ROR2: variants seen among roughly 807,000 people sequenced by gnomAD.
ROR2 encodes the protein ROR family WNT receptor 2.
In ROR2, 33 loss-of-function variants were observed where a neutral mutation model predicts 74.9. That is an observed-to-expected ratio of 0.44 (90% CI 0.33 to 0.59). The LOEUF (loss-of-function observed/expected upper bound fraction) is 0.59. Ranked by LOEUF, ROR2 falls within the 20% of genes least tolerant of loss-of-function variation. The probability of loss-of-function intolerance (pLI) is 0.02; values close to 1 mark genes in which losing one functional copy is unlikely to be tolerated. For synonymous variants in ROR2, 586 were observed against 558.7 expected, an observed-to-expected ratio of 1.05 and a Z score of -0.69; for missense variants, 1,216 against 1,313.8, an observed-to-expected ratio of 0.93 and a Z score of 1.15.
At chr9:91,742,334 A>T (rs1825282045) in intron 4 of ROR2, among the ~76,000 whole-genome samples, 1 of 152,180 alleles carries the variant, frequency 6.6e-6, no homozygotes, top group South Asian at 2.1e-4. Context: ...TCCCTCCTGC[A>T]ACATGTGGGA....
chr9:91,818,877 T>TGA (rs763707339), intron 1 of ROR2, among the ~76,000 whole-genome samples: 4 of 150,962 alleles, frequency 2.6e-5, no homozygotes, highest in Non-Finnish European at 5.9e-5. Flanking sequence ...GCCCTACCCA[T>TGA]GAGCAGCTTG....
chr9:91,944,316 A>C (rs1051427367), intron 1 of ROR2, among the ~76,000 whole-genome samples: 11 of 152,360 alleles, frequency 7.2e-5, no homozygotes, highest in African/African-American at 2.6e-4. Flanking sequence ...TAGGTGGTCC[A>C]TCGTCTGAAA....
chr9:91,901,586 C>T (rs1034860135), intron 1 of ROR2, among the ~76,000 whole-genome samples: 3 of 152,044 alleles, frequency 2.0e-5, no homozygotes, highest in African/African-American at 7.2e-5. Context: ...GAGGCTAAGG[C>T]AGGCGGATCA....
chr9:91,905,442 C>A lies in ROR2; in HGVS notation c.97+44425G>T, dbSNP rs1830790193. Among the ~76,000 whole-genome samples the A allele has an allele frequency of 1.3e-5, 2 of 151,566 alleles. No homozygotes were observed. The highest frequency in any genetic ancestry group is 6.6e-5 in the Admixed American group (1 of 15,192). ...GTCACATCACACAAAGATGACAACA[C>A]AACCCAACACACAACACATACCACA... is the stretch of plus-strand genomic sequence containing the variant. On this transcript the variant is annotated intron_variant, in intron 1 of 8. Coordinates refer to ENST00000375708, the MANE Select transcript of ROR2 (RefSeq NM_004560.4). This position sits in a 1 kb window ranked among gnomAD's most constrained non-coding sequence, Gnocchi z 5.3.
At chr9:91,847,925 A>G (rs1828978226) in intron 1 of ROR2, among the ~76,000 whole-genome samples, 1 of 152,196 alleles carries the variant, frequency 6.6e-6, no homozygotes, top group Non-Finnish European at 1.5e-5. Context: ...ACTCCTGGCT[A>G]GCAGCTCTGC....
chr9:91,921,378 A>C (rs1266342446), intron 1 of ROR2, among the ~76,000 whole-genome samples: 1 of 152,238 alleles, frequency 6.6e-6, no homozygotes, highest in East Asian at 1.9e-4. Context: ...ACGTATACAC[A>C]CACTTACATA....
intron 1 of ROR2, among the ~76,000 whole-genome samples, chr9:91,927,829 G>A (rs1249181475): frequency 6.6e-6 from 1 of 152,088 alleles, no homozygotes; most frequent in Non-Finnish European, 1.5e-5. Context: ...CTCCCAAAGT[G>A]CTAGGATTAC....
At chr9:91,900,212 C>T (rs1280315405) in intron 1 of ROR2, among the ~76,000 whole-genome samples, 1 of 152,130 alleles carries the variant, frequency 6.6e-6, no homozygotes, top group Non-Finnish European at 1.5e-5. Flanking sequence ...CCAGGGCCGC[C>T]AGGGGGTGGG....
intron 1 of ROR2, among the ~76,000 whole-genome samples, chr9:91,793,006 G>A (rs1051913985): frequency 6.6e-6 from 1 of 152,172 alleles, no homozygotes; most frequent in African/African-American, 2.4e-5. Flanking sequence ...AAGAGTTAAG[G>A]TCAATCCTTC....
chr9:91,750,717 C>T (rs1010964519), intron 4 of ROR2, among the ~76,000 whole-genome samples: 9 of 152,150 alleles, frequency 5.9e-5, no homozygotes, highest in African/African-American at 2.2e-4. Context: ...AGGTTTTTCT[C>T]CACTCTGTGC....
intron 1 of ROR2, among the ~76,000 whole-genome samples, chr9:91,867,253 A>G (rs1009179429): frequency 1.3e-5 from 2 of 152,192 alleles, no homozygotes; most frequent in African/African-American, 4.8e-5. Flanking sequence ...TCCCCACTAA[A>G]AGAGCACAGA....
chr9:91,878,338 A>G (rs1355701226), intron 1 of ROR2, among the ~76,000 whole-genome samples: 1 of 152,048 alleles, frequency 6.6e-6, no homozygotes, highest in Non-Finnish European at 1.5e-5. Flanking sequence ...CCACCTGGTG[A>G]GGATGATTCA....
At chr9:91,912,867 G>A (rs750960992) in intron 1 of ROR2, among the ~76,000 whole-genome samples, 4 of 152,136 alleles carry the variant, frequency 2.6e-5, no homozygotes, top group South Asian at 2.1e-4. Flanking sequence ...GTTGGCTCAC[G>A]CCTGTAATCC....
chr9:91,916,772 T>A (rs1429021379), intron 1 of ROR2, among the ~76,000 whole-genome samples: 2 of 152,132 alleles, frequency 1.3e-5, no homozygotes, highest in East Asian at 3.9e-4. Context: ...GCTCTTAGAA[T>A]CTGAAGCCTT....
At chr9:91,877,392 T>G (rs989339529) in intron 1 of ROR2, among the ~76,000 whole-genome samples, 1 of 152,170 alleles carries the variant, frequency 6.6e-6, no homozygotes, top group African/African-American at 2.4e-5. Context: ...CCATAAGTCA[T>G]GTGCCCAATC....
intron 1 of ROR2, among the ~76,000 whole-genome samples, chr9:91,792,453 C>T (rs975771292): frequency 7.9e-5 from 12 of 152,162 alleles, no homozygotes; most frequent in East Asian, 5.8e-4. Context: ...GGACTACAGG[C>T]GCCCGCCACC....
intron 1 of ROR2, among the ~76,000 whole-genome samples, chr9:91,806,806 G>A (rs564450215): frequency 1.9e-4 from 29 of 152,200 alleles, no homozygotes; most frequent in Admixed American, 3.9e-4. Context: ...AGCCAGGATG[G>A]TCTCGATCTC....
At chr9:91,847,818 G>A (rs577290295) in intron 1 of ROR2, among the ~76,000 whole-genome samples, 3 of 151,916 alleles carry the variant, frequency 2.0e-5, no homozygotes, top group South Asian at 4.2e-4. Flanking sequence ...CTCAAGTTCC[G>A]CTCGACCAAG....
chr9:91,934,155 A>G (rs2117982094), intron 1 of ROR2, among the ~76,000 whole-genome samples: 1 of 152,104 alleles, frequency 6.6e-6, no homozygotes, highest in South Asian at 2.1e-4. Flanking sequence ...CTTCAATCAC[A>G]CCCTTCTCAG....
Sources: allele counts gnomAD v4.1 joint callset (sites outside exome capture counted in the v4.1 genomes callset), GRCh38; gene constraint gnomAD v4.1.1; non-coding constraint Gnocchi (gnomAD v3.1); transcripts MANE v1.5; gene names NCBI Gene and HGNC (gene_info 2026-07-23, HGNC 2026-07-21).